The following HDAC8 variants were observed in gnomAD, a reference collection of about 807,000 sequenced individuals.
HDAC8 encodes the protein histone deacetylase 8.
A neutral mutation model predicts 32.2 loss-of-function variants in HDAC8; 1 was observed. The ratio of observed to expected loss-of-function variants is 0.03; its 90% CI spans 0.01 to 0.15. HDAC8 has a LOEUF of 0.15. Among genes scored for constraint, HDAC8 ranks in the 10% least tolerant of loss-of-function variants. The probability of loss-of-function intolerance (pLI) is 1.00; values close to 1 mark genes in which losing one functional copy is unlikely to be tolerated. For missense variants in HDAC8, 117 were observed against 300.0 expected, an observed-to-expected ratio of 0.39 and a Z score of 4.51; for synonymous variants, 108 against 113.9, an observed-to-expected ratio of 0.95 and a Z score of 0.33.
chrX:72,368,654 C>T (rs1299696617), intron 9 of HDAC8, among the ~76,000 whole-genome samples: 6 of 112,527 alleles, frequency 5.3e-5, no homozygotes, highest in African/African-American at 1.6e-4. Context: ...CACGCCTGGC[C>T]ATCCATAAGG....
At chrX:72,363,822 C>T (rs1355182547) in intron 9 of HDAC8, among the ~76,000 whole-genome samples, 1 of 112,385 alleles carries the variant, frequency 8.9e-6, no homozygotes, top group Non-Finnish European at 1.9e-5. Context: ...GATCCACCCG[C>T]CTTGGCCTCC....
chrX:72,363,190 G>C (rs1206500704), intron 9 of HDAC8, among the ~76,000 whole-genome samples: 4 of 112,110 alleles, frequency 3.6e-5, no homozygotes, highest in Non-Finnish European at 7.5e-5. Flanking sequence ...TCCACGATTA[G>C]AGACAATTCC....
intron 4 of HDAC8, among the ~76,000 whole-genome samples, chrX:72,525,595 C>T (rs1556031565): frequency 9.1e-6 from 1 of 109,532 alleles, no homozygotes; most frequent in Non-Finnish European, 1.9e-5. Context: ...GGGTGGATCA[C>T]GAGGTCAGCA....
chrX:72,401,980 T>C (rs1264001183), intron 9 of HDAC8, among the ~76,000 whole-genome samples: 1 of 112,369 alleles, frequency 8.9e-6, no homozygotes, highest in Non-Finnish European at 1.9e-5. Context: ...CCATCTAGTC[T>C]TGTGCCTTTC....
intron 9 of HDAC8, among the ~76,000 whole-genome samples, chrX:72,448,136 A>C (rs1299354246): frequency 1.8e-5 from 2 of 112,019 alleles, no homozygotes; most frequent in South Asian, 3.8e-4. Flanking sequence ...AGACAATCCT[A>C]AGCAAAAAGA....
chrX:72,554,517 G>GCGGGGAGC (rs2051209253), intron 4 of HDAC8, among the ~76,000 whole-genome samples: 136 of 73,077 alleles, frequency 1.9e-3, no homozygotes, highest in Middle Eastern at 0.016. Flanking sequence ...GGGCGGGGAG[G>GCGGGGAGC]GCGGGGAGCG....
rs781786557 is a variant in HDAC8 at position 72,372,126 on chromosome X, C to CTA, written c.1006-20290_1006-20289dup. 1.2e-3 allele frequency among the ~76,000 whole-genome samples: 131 copies of CTA among 110,628 alleles called. No homozygotes were observed. The South Asian group carries it at 0.015, about 12-fold the overall frequency. On this transcript the variant is annotated intron_variant, in intron 9 of 10. Coordinates refer to ENST00000373573, the MANE Select transcript of HDAC8 (RefSeq NM_018486.3). ...ACCAAGGGCTCCTGGGCCTTTCAGT[C>CTA]TATATATATATGCATATTTTAACCT...
chrX:72,465,209 A>T (rs782094365), intron 7 of HDAC8, among the ~76,000 whole-genome samples: 1 of 111,656 alleles, frequency 9.0e-6, no homozygotes, highest in Non-Finnish European at 1.9e-5. Context: ...ACAAGCATAG[A>T]TGTTATCAGG....
intron 4 of HDAC8, among the ~76,000 whole-genome samples, chrX:72,547,682 G>T: frequency 9.0e-6 from 1 of 110,993 alleles, no homozygotes; most frequent in South Asian, 3.8e-4. Flanking sequence ...AACCCAACTT[G>T]GTCACTTACT....
intron 9 of HDAC8, among the ~76,000 whole-genome samples, chrX:72,440,988 G>A (rs977387345): frequency 8.0e-5 from 9 of 112,800 alleles, no homozygotes; most frequent in African/African-American, 2.9e-4. Flanking sequence ...AGGGAGGGGC[G>A]CCCGCCATTG....
intron 4 of HDAC8, among the ~76,000 whole-genome samples, chrX:72,501,038 A>C (rs1358342156): frequency 5.4e-5 from 6 of 111,831 alleles, no homozygotes; most frequent in Non-Finnish European, 9.4e-5. Flanking sequence ...AAAAAGAATA[A>C]AATACCTAGG....
At chrX:72,425,257 G>C (rs1443779338) in intron 9 of HDAC8, among the ~76,000 whole-genome samples, 1 of 111,739 alleles carries the variant, frequency 8.9e-6, no homozygotes, top group Non-Finnish European at 1.9e-5. Context: ...GGTGTGAAGT[G>C]GTATCTCATT....
At chrX:72,446,837 GA>G (rs1214769907) in intron 9 of HDAC8, among the ~76,000 whole-genome samples, 2 of 110,926 alleles carry the variant, frequency 1.8e-5, no homozygotes, top group Non-Finnish European at 3.8e-5. Flanking sequence ...AGAAAATCTA[GA>G]AAAAAAATGG....
intron 9 of HDAC8, among the ~76,000 whole-genome samples, chrX:72,373,735 T>C (rs1279126659): frequency 5.3e-5 from 6 of 112,269 alleles, no homozygotes; most frequent in African/African-American, 1.9e-4. Flanking sequence ...TCTGGGTCAT[T>C]TGGCAACTCT....
chrX:72,514,724 T>C (rs1483593034), intron 4 of HDAC8, among the ~76,000 whole-genome samples: 2 of 111,129 alleles, frequency 1.8e-5, no homozygotes, highest in African/African-American at 3.3e-5. Context: ...AAGGTTTCTA[T>C]ATGGACAGAG....
At position 72,329,725 on chromosome X, in the gene HDAC8, T is replaced by C; in HGVS notation, c.*329A>G. The C allele has an allele frequency of 8.5e-7, 1 of 1,176,481 alleles. No individual in the cohort carries two copies. Among genetic ancestry groups the C allele is most frequent in the Non-Finnish European group, 1.1e-6 (1 of 876,972 alleles). ...CATCCAGCTTCTGATCTGTTTCATTTAAGATGATTAAAATACTCCCCTCCC... is the reference window on the plus strand; with the variant it reads ...CATCCAGCTTCTGATCTGTTTCATTCAAGATGATTAAAATACTCCCCTCCC... On this transcript the variant is annotated 3_prime_UTR_variant, in exon 11 of 11. Coordinates refer to ENST00000373573, the MANE Select transcript of HDAC8 (RefSeq NM_018486.3).
chrX:72,331,594 T>C (rs1296962545), intron 10 of HDAC8, among the ~76,000 whole-genome samples: 1 of 110,957 alleles, frequency 9.0e-6, no homozygotes, highest in Non-Finnish European at 1.9e-5. Flanking sequence ...TGTACTGAGC[T>C]CTTACTTTTA....
intron 10 of HDAC8, among the ~76,000 whole-genome samples, chrX:72,336,064 T>C (rs1347697310): frequency 8.9e-6 from 1 of 111,896 alleles, no homozygotes; most frequent in Non-Finnish European, 1.9e-5. Context: ...TGCTAGATCA[T>C]GTGGTAAGAA....
chrX:72,484,711 AGTT>A (rs1483460648), intron 7 of HDAC8, among the ~76,000 whole-genome samples: 3 of 111,860 alleles, frequency 2.7e-5, no homozygotes, highest in Admixed American at 1.9e-4. Flanking sequence ...GTGGACAAGT[AGTT>A]GGGTCATCCT....
Sources: gnomAD v4.1 joint callset for allele counts (sites outside exome capture counted in the v4.1 genomes callset) on GRCh38, gnomAD v4.1.1 for gene constraint, MANE v1.5 for transcripts, NCBI Gene and HGNC (gene_info 2026-07-23, HGNC 2026-07-21) for gene names.